The following NLGN1 variants were observed in gnomAD, a reference collection of about 807,000 sequenced individuals.
NLGN1 encodes neuroligin-1.
Under a neutral mutation model 65.5 loss-of-function variants are expected in NLGN1, and 12 were observed. The observed-to-expected ratio is 0.18, with a 90% confidence interval of 0.12 to 0.30. NLGN1 has a LOEUF of 0.30. Ranked by LOEUF, NLGN1 falls within the 10% of genes least tolerant of loss-of-function variation. The pLI, the probability that NLGN1 is intolerant of heterozygous loss-of-function variation, is 1.00. For missense variants in NLGN1, 750 were observed against 1,007.1 expected (o/e 0.74, Z 3.46); for synonymous variants, 350 against 359.5 (o/e 0.97, Z 0.30).
intron 2 of NLGN1, among the ~76,000 whole-genome samples, chr3:173,520,020 G>A (rs1463046159): frequency 3.9e-5 from 6 of 152,272 alleles, no homozygotes; most frequent in African/African-American, 1.2e-4. Flanking sequence ...TGCTGTTCTC[G>A]TGATACTGAG....
intron 4 of NLGN1, among the ~76,000 whole-genome samples, chr3:174,032,992 A>G (rs976002308): frequency 3.3e-5 from 5 of 151,968 alleles, no homozygotes; most frequent in Admixed American, 2.0e-4. Context: ...ATATATAGAT[A>G]TAGATCTATC....
At chr3:174,114,238 A>G (rs1327351789) in intron 4 of NLGN1, among the ~76,000 whole-genome samples, 1 of 151,544 alleles carries the variant, frequency 6.6e-6, no homozygotes, top group Non-Finnish European at 1.5e-5. Context: ...TTTCACCCAC[A>G]TGGCTTTAAT....
chr3:174,144,734 A>G (rs532951227), intron 4 of NLGN1, among the ~76,000 whole-genome samples: 10 of 152,262 alleles, frequency 6.6e-5, no homozygotes, highest in Admixed American at 5.9e-4. Flanking sequence ...GTGTCTGTTC[A>G]TATCCTTTGC....
At chr3:173,937,121 A>G (rs918841018) in intron 4 of NLGN1, among the ~76,000 whole-genome samples, 1 of 152,064 alleles carries the variant, frequency 6.6e-6, no homozygotes, top group Admixed American at 6.6e-5. Context: ...GTCCCAGAGC[A>G]TTCAGTGAGC....
intron 3 of NLGN1, among the ~76,000 whole-genome samples, chr3:173,622,576 A>G (rs1754173330): frequency 6.6e-6 from 1 of 151,848 alleles, no homozygotes; most frequent in Non-Finnish European, 1.5e-5. Context: ...AGTCCCGGTA[A>G]AAAGAGGAGG....
chr3:173,690,254 T>C (rs961786361), intron 3 of NLGN1, among the ~76,000 whole-genome samples: 1 of 152,162 alleles, frequency 6.6e-6, no homozygotes, highest in African/African-American at 2.4e-5. Flanking sequence ...TCTACTCAAG[T>C]GAAGAGGACT....
chr3:173,811,179 T>C (rs565600156), intron 4 of NLGN1, among the ~76,000 whole-genome samples: 8 of 152,366 alleles, frequency 5.3e-5, no homozygotes, highest in African/African-American at 1.9e-4. Context: ...ATTTGATATA[T>C]TGTTACATAG....
intron 2 of NLGN1, among the ~76,000 whole-genome samples, chr3:173,565,435 C>G (rs908577549): frequency 1.3e-5 from 2 of 152,130 alleles, no homozygotes; most frequent in African/African-American, 2.4e-5. Context: ...ATCCCAAGAC[C>G]TATGCTGTTG....
intron 3 of NLGN1, among the ~76,000 whole-genome samples, chr3:173,754,219 G>A (rs1381421976): frequency 1.3e-5 from 2 of 151,416 alleles, no homozygotes; most frequent in African/African-American, 2.4e-5. Flanking sequence ...GCTAACTTTT[G>A]TAGTTTTTTG....
At chr3:173,878,081 A>C (rs766905334) in intron 4 of NLGN1, among the ~76,000 whole-genome samples, 38 of 152,122 alleles carry the variant, frequency 2.5e-4, no homozygotes, top group Non-Finnish European at 4.4e-4. Context: ...TCGCTCTGTC[A>C]CCCAGGCTGG....
At chr3:173,853,051 C>G (rs1365189991) in intron 4 of NLGN1, among the ~76,000 whole-genome samples, 1 of 152,186 alleles carries the variant, frequency 6.6e-6, no homozygotes, top group Non-Finnish European at 1.5e-5. Flanking sequence ...ATTCTCTACA[C>G]ATTTATACCC....
intron 3 of NLGN1, among the ~76,000 whole-genome samples, chr3:173,749,710 A>G (rs1776049921): frequency 2.6e-5 from 4 of 152,120 alleles, no homozygotes; most frequent in Admixed American, 2.6e-4. Context: ...TACACATTGT[A>G]AAATATTTCT....
At chr3:173,636,486 T>C (rs1756613813) in intron 3 of NLGN1, among the ~76,000 whole-genome samples, 1 of 152,118 alleles carries the variant, frequency 6.6e-6, no homozygotes, top group African/African-American at 2.4e-5. Context: ...TTTTTCCCTT[T>C]GATTTAATTT....
chr3:173,942,144 G>GTA (rs1317929927), intron 4 of NLGN1, among the ~76,000 whole-genome samples: 6 of 133,442 alleles, frequency 4.5e-5, no homozygotes, highest in African/African-American at 1.3e-4. Context: ...GTGTGTGTAT[G>GTA]TGTGTGTGTG....
intron 4 of NLGN1, among the ~76,000 whole-genome samples, chr3:173,951,348 C>T (rs998570397): frequency 1.3e-5 from 2 of 152,050 alleles, no homozygotes; most frequent in African/African-American, 4.8e-5. Flanking sequence ...TGTGTTCAAC[C>T]TTTTTAGCAA....
At chr3:173,929,202 G>A (rs1002195128) in intron 4 of NLGN1, among the ~76,000 whole-genome samples, 2 of 152,028 alleles carry the variant, frequency 1.3e-5, no homozygotes, top group South Asian at 4.1e-4. Flanking sequence ...GATTTGAAAG[G>A]AGCAAAGCGC....
chr3:174,207,994 C>A (rs1735746887), intron 4 of NLGN1, among the ~76,000 whole-genome samples: 1 of 152,052 alleles, frequency 6.6e-6, no homozygotes, highest in Non-Finnish European at 1.5e-5. Context: ...TTTTTCAAAC[C>A]CCTTGACACA....
intron 4 of NLGN1, among the ~76,000 whole-genome samples, chr3:174,225,490 G>A (rs1739456490): frequency 6.6e-6 from 1 of 152,172 alleles, no homozygotes; most frequent in African/African-American, 2.4e-5. Context: ...CCAGCACTTT[G>A]GGAGGCCGAG....
chr3:174,190,057 A>G (rs1221354552), intron 4 of NLGN1, among the ~76,000 whole-genome samples: 1 of 152,070 alleles, frequency 6.6e-6, no homozygotes, highest in Non-Finnish European at 1.5e-5. Flanking sequence ...CACTTAGGAC[A>G]TAGAGTGGAA....
Sources: gnomAD v4.1 joint callset for allele counts (sites outside exome capture counted in the v4.1 genomes callset) on GRCh38, gnomAD v4.1.1 for gene constraint, MANE v1.5 for transcripts, NCBI Gene and HGNC (gene_info 2026-07-23, HGNC 2026-07-21) for gene names.